LOC128125817: variants seen among roughly 807,000 people sequenced by gnomAD.
At chr1:41,587,854 G>T in the LOC128125817 span, among the ~76,000 whole-genome samples, 2 of 152,204 alleles carry the variant, frequency 1.3e-5, no homozygotes, top group Non-Finnish European at 2.9e-5. Flanking sequence ...TCTGTGGCAT[G>T]ATGCGCACTG....
At chr1:41,612,986 G>T in the LOC128125817 span, among the ~76,000 whole-genome samples, 1 of 152,346 alleles carries the variant, frequency 6.6e-6, no homozygotes, top group South Asian at 2.1e-4. Context: ...CTGGCAGGGT[G>T]AATGCAGCAC....
chr1:41,594,958 C>A, the LOC128125817 span, among the ~76,000 whole-genome samples: 1 of 152,128 alleles, frequency 6.6e-6, no homozygotes, highest in South Asian at 2.1e-4. Context: ...CCCTAGCTAG[C>A]CAGTTGTCCC....
chr1:41,618,298 G>A, the LOC128125817 span, among the ~76,000 whole-genome samples: 1 of 152,250 alleles, frequency 6.6e-6, no homozygotes, highest in East Asian at 1.9e-4. Flanking sequence ...GCCGGGCCAG[G>A]AGGTTAACTC....
chr1:41,612,999 C>T, the LOC128125817 span, among the ~76,000 whole-genome samples: 2 of 152,228 alleles, frequency 1.3e-5, no homozygotes, highest in Non-Finnish European at 2.9e-5. Flanking sequence ...TGCAGCACCT[C>T]CTTCCAGGAA....
chr1:41,600,180 T>C, the LOC128125817 span, among the ~76,000 whole-genome samples: 1 of 152,148 alleles, frequency 6.6e-6, no homozygotes, highest in Admixed American at 6.5e-5. Flanking sequence ...AAATAAAAAA[T>C]AGAATTACCA....
the LOC128125817 span, among the ~76,000 whole-genome samples, chr1:41,602,058 T>C: frequency 6.6e-6 from 1 of 152,228 alleles, no homozygotes; most frequent in Non-Finnish European, 1.5e-5. Flanking sequence ...TTAACTTTTG[T>C]ATATTGAACC....
At chr1:41,614,425 A>C in the LOC128125817 span, among the ~76,000 whole-genome samples, 1 of 152,196 alleles carries the variant, frequency 6.6e-6, no homozygotes, top group African/African-American at 2.4e-5. Context: ...TGGCCATCCC[A>C]ACTGCTTTGC....
the LOC128125817 span, chr1:41,628,795 C>T: frequency 8.1e-7 from 1 of 1,231,934 alleles, no homozygotes; most frequent in African/African-American, 1.6e-5. Flanking sequence ...AAACGCTGTT[C>T]TCTCTGAAAG....
chr1:41,615,440 A>T, the LOC128125817 span, among the ~76,000 whole-genome samples: 1 of 152,080 alleles, frequency 6.6e-6, no homozygotes, highest in Admixed American at 6.5e-5. Context: ...GCTAGAGGGC[A>T]CTTAAGTGGG....
At chr1:41,619,591 C>T in the LOC128125817 span, among the ~76,000 whole-genome samples, 1 of 152,070 alleles carries the variant, frequency 6.6e-6, no homozygotes, top group African/African-American at 2.4e-5. Context: ...GGATGACCTA[C>T]CTCTTTGAGG....
At chr1:41,612,887 C>G in the LOC128125817 span, among the ~76,000 whole-genome samples, 1 of 152,220 alleles carries the variant, frequency 6.6e-6, no homozygotes, top group African/African-American at 2.4e-5. Flanking sequence ...TGAGGTACAA[C>G]TGAAGCCTCA....
the LOC128125817 span, among the ~76,000 whole-genome samples, chr1:41,607,749 AAGGACCTAACTGC>A: frequency 2.6e-5 from 4 of 152,254 alleles, no homozygotes; most frequent in Non-Finnish European, 5.9e-5. Flanking sequence ...CTCCTATAAC[AAGGACCTAACTGC>A]AGGAGTGGCT....
At chr1:41,620,469 C>A in the LOC128125817 span, among the ~76,000 whole-genome samples, 1 of 152,146 alleles carries the variant, frequency 6.6e-6, no homozygotes, top group South Asian at 2.1e-4. Flanking sequence ...CCTGTCTGAG[C>A]ACTTCTCTGA....
the LOC128125817 span, among the ~76,000 whole-genome samples, chr1:41,592,908 G>T: frequency 6.6e-6 from 1 of 152,188 alleles, no homozygotes; most frequent in Non-Finnish European, 1.5e-5. Context: ...CCTGGACACC[G>T]GCTTCTGCCA....
At chr1:41,613,812 C>T in the LOC128125817 span, among the ~76,000 whole-genome samples, 5 of 152,232 alleles carry the variant, frequency 3.3e-5, no homozygotes, top group Non-Finnish European at 5.9e-5. Context: ...AATCACTCCA[C>T]ATTCCCTTCC....
At chr1:41,619,660 T>C in the LOC128125817 span, among the ~76,000 whole-genome samples, 1 of 151,246 alleles carries the variant, frequency 6.6e-6, no homozygotes, top group Non-Finnish European at 1.5e-5. Flanking sequence ...GTGTTAGGAG[T>C]GGGGGAAGGG....
the LOC128125817 span, among the ~76,000 whole-genome samples, chr1:41,604,801 A>G: frequency 6.6e-6 from 1 of 152,130 alleles, no homozygotes. Context: ...AACCAATCTT[A>G]TGGTATTAGA....
At chr1:41,592,054 C>G in the LOC128125817 span, among the ~76,000 whole-genome samples, 1 of 152,196 alleles carries the variant, frequency 6.6e-6, no homozygotes, top group Non-Finnish European at 1.5e-5. Context: ...GCAGGTGGGA[C>G]AGTGAGTAGC....
At chr1:41,625,162 C>CAAAAAA in the LOC128125817 span, among the ~76,000 whole-genome samples, 135 of 71,284 alleles carry the variant, frequency 1.9e-3, 1 homozygote, top group Non-Finnish European at 2.7e-3. Flanking sequence ...GATTCCAACT[C>CAAAAAA]AAAAAAAAAA....
Sources: gnomAD v4.1 joint callset for allele counts (sites outside exome capture counted in the v4.1 genomes callset) on GRCh38, gnomAD v4.1.1 for gene constraint, MANE v1.5 for transcripts.